The following FOXK1 variants were observed in gnomAD, a reference collection of about 807,000 sequenced individuals.
FOXK1 encodes forkhead box protein K1.
FOXK1 carries 19 observed loss-of-function variants against 51.9 expected under a neutral mutation model. The ratio of observed to expected loss-of-function variants is 0.37; its 90% CI spans 0.26 to 0.54. The LOEUF (loss-of-function observed/expected upper bound fraction) is 0.54, where lower values mean the gene tolerates loss of function less well. Ranked by LOEUF, FOXK1 falls within the 20% of genes least tolerant of loss-of-function variation. The pLI, the probability that FOXK1 is intolerant of heterozygous loss-of-function variation, is 0.87. For synonymous variants in FOXK1, 537 were observed against 482.6 expected (o/e 1.11, Z -1.48); for missense variants, 870 against 1,032.7 (o/e 0.84, Z 2.16).
At chr7:4,698,399 C>T (rs1230279002) in intron 1 of FOXK1, among the ~76,000 whole-genome samples, 2 of 151,708 alleles carry the variant, frequency 1.3e-5, no homozygotes, top group Non-Finnish European at 2.9e-5. Flanking sequence ...TCTCGCTTCA[C>T]CATATGCAAG....
intron 1 of FOXK1, among the ~76,000 whole-genome samples, chr7:4,699,981 G>A (rs752242243): frequency 9.2e-5 from 14 of 152,174 alleles, no homozygotes; most frequent in Non-Finnish European, 2.1e-4. Flanking sequence ...CGAGTACCAT[G>A]ATAATGGGCT....
In FOXK1 at chr7:4,683,429, C is replaced by A. The variant is rs1779779109; in HGVS notation, c.560+561C>A. On this transcript the variant is annotated intron_variant, in intron 1 of 8. Coordinates refer to ENST00000328914, the MANE Select transcript of FOXK1 (RefSeq NM_001037165.2). The surrounding 1 kb of genome is among the most constrained non-coding windows in gnomAD (Gnocchi z 4.5). ...ACCGCGACCCCCACTTCCTAGGCCCCCCCGGAGTCACCCCTGACCGCTAAC... is the reference window on the plus strand; with the variant it reads ...ACCGCGACCCCCACTTCCTAGGCCCACCCGGAGTCACCCCTGACCGCTAAC... Among the ~76,000 whole-genome samples, 1 of 151,570 alleles carries A rather than the reference C, an allele frequency of 6.6e-6. No homozygotes were observed. The highest frequency in any genetic ancestry group is 6.6e-5 in the Admixed American group (1 of 15,240).
Position 4,703,988 on chromosome 7 carries a change from T to C in FOXK1, c.560+21120T>C, listed in dbSNP as rs1780051234. Reference sequence around the variant, plus strand: ...GTACCCCTACGTGTGGAAAACTGGCTACCGCATGCTTAACAAAATAACTTG... The same window carrying C: ...GTACCCCTACGTGTGGAAAACTGGCCACCGCATGCTTAACAAAATAACTTG... On this transcript the variant is annotated intron_variant, in intron 1 of 8. Transcript: ENST00000328914. The surrounding 1 kb of genome is among the most constrained non-coding windows in gnomAD (Gnocchi z 5.6). 6.6e-6 allele frequency among the ~76,000 whole-genome samples: 1 copy of C among 152,172 alleles called. No homozygotes were observed. Among genetic ancestry groups the C allele is most frequent in the Non-Finnish European group, 1.5e-5 (1 of 68,028 alleles).
In FOXK1 at chr7:4,734,297, T is replaced by C. The variant is rs1016690363; in HGVS notation, c.561-6541T>C. 6.6e-6 allele frequency among the ~76,000 whole-genome samples: 1 copy of C among 152,180 alleles called. No individual in the cohort carries two copies. The highest frequency in any genetic ancestry group is 2.4e-5 in the African/African-American group (1 of 41,452). On this transcript the variant is annotated intron_variant, in intron 1 of 8. Transcript: ENST00000328914. The surrounding 1 kb of genome is among the most constrained non-coding windows in gnomAD (Gnocchi z 5.2). The stretch of plus-strand genomic sequence containing the variant: ...TTCCTGAGACAGATCTCATCCAGCC[T>C]CTTCCTTTTGATGTTTTCTGAGTCA...
rs994861422 is a variant in FOXK1 at position 4,743,658 on chromosome 7, G to T, written c.746+2635G>T. 6.6e-6 allele frequency among the ~76,000 whole-genome samples: 1 copy of T among 152,194 alleles called. No individual in the cohort carries two copies. The highest frequency in any genetic ancestry group is 1.5e-5 in the Non-Finnish European group (1 of 68,030). ...CTTCACCTAGTACCACCTTAAAGGC[G>T]CTGTAGAAATGGTGGCCAAGACCAG... On this transcript the variant is annotated intron_variant, in intron 2 of 8. Coordinates refer to ENST00000328914, the MANE Select transcript of FOXK1 (RefSeq NM_001037165.2). This position sits in a 1 kb window ranked among gnomAD's most constrained non-coding sequence, Gnocchi z 5.3.
At position 4,729,960 on chromosome 7, in the gene FOXK1, A is replaced by G. The variant is rs1395548805; in HGVS notation, c.561-10878A>G. On this transcript the variant is annotated intron_variant, in intron 1 of 8. Coordinates refer to ENST00000328914, the MANE Select transcript of FOXK1 (RefSeq NM_001037165.2). The surrounding 1 kb of genome is among the most constrained non-coding windows in gnomAD (Gnocchi z 6.2). ...AGCTGAGATCCAGCCACTGCCCTCC[A>G]GCCTGGGCGACAGAGCGAGACTCTG... 6.6e-6 allele frequency among the ~76,000 whole-genome samples: 1 copy of G among 152,210 alleles called. No individual in the cohort carries two copies. The highest frequency in any genetic ancestry group is 1.5e-5 in the Non-Finnish European group (1 of 68,036).
intron 1 of FOXK1, among the ~76,000 whole-genome samples, chr7:4,693,386 GT>G (rs948228026): frequency 2.0e-5 from 3 of 152,150 alleles, no homozygotes; most frequent in African/African-American, 7.2e-5. Flanking sequence ...TTATAGAGCA[GT>G]TTTAGGTTCA....
At position 4,748,130 on chromosome 7, in the gene FOXK1, G is replaced by A. The variant is rs192607663; in HGVS notation, c.747-6329G>A. 3.3e-3 allele frequency among the ~76,000 whole-genome samples: 499 copies of A among 151,680 alleles called. 2 individuals are homozygous for A. Among genetic ancestry groups the A allele is most frequent in the Middle Eastern group, 0.01 (3 of 294 alleles). ...GTTTATTTTTCCTTTTTCAGATTAC[G>A]AAGAGACTATCTATCTATCTATATG... On this transcript the variant is annotated intron_variant, in intron 2 of 8. Coordinates refer to ENST00000328914, the MANE Select transcript of FOXK1 (RefSeq NM_001037165.2). The surrounding 1 kb of genome is among the most constrained non-coding windows in gnomAD (Gnocchi z 4.9).
At position 4,683,200 on chromosome 7, in the gene FOXK1, C is replaced by A. The variant is rs887446310; in HGVS notation, c.560+332C>A. Among the ~76,000 whole-genome samples the A allele has an allele frequency of 1.3e-5, 2 of 151,378 alleles. No individual in the cohort carries two copies. The highest frequency in any genetic ancestry group is 2.9e-5 in the Non-Finnish European group (2 of 67,806). On this transcript the variant is annotated intron_variant, in intron 1 of 8. Transcript: ENST00000328914. This position sits in a 1 kb window ranked among gnomAD's most constrained non-coding sequence, Gnocchi z 4.5. ...CCACACCTTGCGGCTCCTGGGGTCA[C>A]CCCTGACCTCATCTCCCACCGGCCT...
At position 4,770,646 on chromosome 7, in the gene FOXK1, G is replaced by T. The variant is rs1026200307; in HGVS notation, c.*8182G>T. On this transcript the variant is annotated 3_prime_UTR_variant, in exon 9 of 9. Coordinates refer to ENST00000328914, the MANE Select transcript of FOXK1 (RefSeq NM_001037165.2). ...GGCTTGATTTCTGTTTCAGGAAAAGGGGGGCGGGAGGAGAGACAACAGCCG... is the reference window on the plus strand; with the variant it reads ...GGCTTGATTTCTGTTTCAGGAAAAGTGGGGCGGGAGGAGAGACAACAGCCG... 2 of 152,144 alleles carry T rather than the reference G, an allele frequency of 1.3e-5. No individual in the cohort carries two copies. The highest frequency in any genetic ancestry group is 6.5e-5 in the Admixed American group (1 of 15,268). 9.4% of individuals were successfully genotyped at this position (152,144 alleles called of 1,614,324 possible). A position where few individuals can be genotyped will look rare whatever the true frequency, so the allele number is the denominator to read the frequency against.
chr7:4,702,980 G>A (rs1008303040), intron 1 of FOXK1, among the ~76,000 whole-genome samples: 1 of 152,236 alleles, frequency 6.6e-6, no homozygotes, highest in East Asian at 1.9e-4. Context: ...TGTCCTGCTC[G>A]TCCTCCTGAG....
chr7:4,742,041 C>G (rs972867516), intron 2 of FOXK1, among the ~76,000 whole-genome samples: 1 of 152,246 alleles, frequency 6.6e-6, no homozygotes, highest in African/African-American at 2.4e-5. Context: ...CTCTCCCAAC[C>G]GCACGTCTGT....
chr7:4,757,634 CAAAAAAAAAAA>C (rs59200954), intron 5 of FOXK1, among the ~76,000 whole-genome samples: 14 of 20,196 alleles, frequency 6.9e-4, no homozygotes, highest in East Asian at 3.2e-3. Flanking sequence ...AACTCCGTCT[CAAAAAAAAAAA>C]AAAAAAAAAA....
chr7:4,686,107 T>C (rs1779814680), intron 1 of FOXK1, among the ~76,000 whole-genome samples: 1 of 152,216 alleles, frequency 6.6e-6, no homozygotes, highest in Non-Finnish European at 1.5e-5. Flanking sequence ...AATTACTGTG[T>C]CTGTTTTCTC....
rs761287902 is a variant in FOXK1, at chr7:4,759,473, T to G, written c.1574T>G (p.Val525Gly). Reference protein sequence around the residue: ...VVQQAPTVTMVRVVTTSANSA... With the variant: ...VVQQAPTVTMGRVVTTSANSA... ...CAGCAGGCCCCCACCGTCACCATGG[T>G]CAGGGTGGTCACCACATCTGCCAAC... Residue 525 changes from valine to glycine, a missense_variant, in exon 7 of 9, where the codon GTC (valine) becomes GGC (glycine). By Grantham distance (109) the Val-to-Gly change is moderately radical. Coordinates refer to ENST00000328914, the MANE Select transcript of FOXK1 (RefSeq NM_001037165.2). 6.3e-7 allele frequency: 1 copy of G among 1,586,960 alleles called. No individual in the cohort carries two copies. Among genetic ancestry groups the G allele is most frequent in the Admixed American group, 1.7e-5 (1 of 57,384 alleles).
chr7:4,699,843 T>C (rs1409931873), intron 1 of FOXK1, among the ~76,000 whole-genome samples: 2 of 152,244 alleles, frequency 1.3e-5, no homozygotes, highest in East Asian at 1.9e-4. Context: ...TTTTAATTCA[T>C]GTGCTTGCGT....
chr7:4,704,450 C>CAAA (rs3050383), intron 1 of FOXK1, among the ~76,000 whole-genome samples: 50 of 66,420 alleles, frequency 7.5e-4, no homozygotes, highest in Non-Finnish European at 9.3e-4. Flanking sequence ...GACTCTGTCT[C>CAAA]AAAAAAAAAA....
chr7:4,741,333 T>G (rs1328334288), intron 2 of FOXK1, among the ~76,000 whole-genome samples: 1 of 151,006 alleles, frequency 6.6e-6, no homozygotes, highest in Non-Finnish European at 1.5e-5. Context: ...GTTTTTTTTT[T>G]GTTTGTTTGT....
In FOXK1 at chr7:4,761,238, A is replaced by C; in HGVS notation, c.1871A>C (p.Gln624Pro). The change falls in exon 8 of 9, where the codon CAG (glutamine) becomes CCG (proline). Residue 624 changes from glutamine to proline, a missense_variant. Gln to Pro is a moderately conservative substitution (Grantham distance 76, BLOSUM62 -1). Around this residue, in one of 3 missense-constraint regions of FOXK1, gnomAD observed 457 missense variants for 510.8 expected, o/e 0.89. Coordinates refer to ENST00000328914, the MANE Select transcript of FOXK1 (RefSeq NM_001037165.2). The surrounding 1 kb of genome is among the most constrained non-coding windows in gnomAD (Gnocchi z 6.2). Reference sequence around the variant, plus strand: ...CACCTTCCAGTCCGGGCCGTGACCCAGAACGGAAAGCATGCGGTTCCCACG... The same window carrying C: ...CACCTTCCAGTCCGGGCCGTGACCCCGAACGGAAAGCATGCGGTTCCCACG... ...QHHLPVRAVT[Q>P]NGKHAVPTNS... is the part of the protein sequence containing the mutation. 6.2e-7 allele frequency: 1 copy of C among 1,613,216 alleles called. No homozygotes were observed. The highest frequency in any genetic ancestry group is 8.5e-7 in the Non-Finnish European group (1 of 1,180,030).
Sources: allele counts gnomAD v4.1 joint callset (sites outside exome capture counted in the v4.1 genomes callset), GRCh38; gene constraint gnomAD v4.1.1; regional missense constraint gnomAD v4.1.1; non-coding constraint Gnocchi (gnomAD v3.1); transcripts MANE v1.5; gene names NCBI Gene and HGNC (gene_info 2026-07-23, HGNC 2026-07-21).